The following STAG2 variants were observed in gnomAD, a reference collection of about 807,000 sequenced individuals.
STAG2 encodes the protein cohesin subunit SA-2.
In STAG2, 14 loss-of-function variants were observed where a neutral mutation model predicts 108.1. The observed-to-expected ratio is 0.13, with a 90% CI of 0.09 to 0.20. The LOEUF (loss-of-function observed/expected upper bound fraction) is 0.20, where lower values mean the gene tolerates loss of function less well. STAG2 is among the 10% of genes least tolerant of loss of function. The probability of loss-of-function intolerance (pLI) is 1.00; values close to 1 mark genes in which losing one functional copy is unlikely to be tolerated. For synonymous variants in STAG2, 307 were observed against 302.7 expected, an observed-to-expected ratio of 1.01 and a Z score of -0.15; for missense variants, 440 against 940.9, an observed-to-expected ratio of 0.47 and a Z score of 6.96.
At chrX:124,054,060 A>G (rs1448892403) in intron 13 of STAG2, among the ~76,000 whole-genome samples, 3 of 112,229 alleles carry the variant, frequency 2.7e-5, no homozygotes, top group South Asian at 3.6e-4. Flanking sequence ...TGTTGAGGCT[A>G]TGACGTAACA....
chrX:124,048,672 C>T (rs1215898304), intron 9 of STAG2, among the ~76,000 whole-genome samples: 2 of 111,397 alleles, frequency 1.8e-5, no homozygotes, highest in African/African-American at 3.3e-5. Context: ...TCAAGTGATC[C>T]GTCTGTCTTG....
At chrX:124,025,277 A>T (rs939453996) in intron 3 of STAG2, among the ~76,000 whole-genome samples, 1 of 112,092 alleles carries the variant, frequency 8.9e-6, no homozygotes, top group Non-Finnish European at 1.9e-5. Context: ...GATATTGATC[A>T]CTTAGCATAA....
In STAG2 at chrX:124,025,861, T is replaced by G; in HGVS notation, c.66T>G (p.Ser22=). 8.4e-7 allele frequency: 1 copy of G among 1,187,442 alleles called. No individual in the cohort carries two copies. The highest frequency in any genetic ancestry group is 1.1e-6 in the Non-Finnish European group (1 of 882,234). The change falls in exon 4 of 35, where the codon TCT becomes TCG. Residue 22 remains serine, a synonymous_variant. Coordinates refer to ENST00000371145, the MANE Select transcript of STAG2 (RefSeq NM_001042750.2). ...ACAGGGAGTCAGAAACACATTTTTC[T>G]TCTGACACAGATTTTGAAGATATCG... ...NLLQESETHF[S]SDTDFEDIEG... is the part of the protein sequence containing the mutation.
chrX:124,005,062 T>C (rs2056222130), intron 1 of STAG2, among the ~76,000 whole-genome samples: 1 of 112,492 alleles, frequency 8.9e-6, no homozygotes, highest in African/African-American at 3.2e-5. Context: ...TCTTCCTGTA[T>C]ACTTTAAATC....
chrX:123,961,690 C>T (rs2053866593), upstream of STAG2: 1 of 101,635 alleles, frequency 9.8e-6, no homozygotes, highest in African/African-American at 3.6e-5. Flanking sequence ...CCCTTCCCTC[C>T]CTCCCCCCTC....
At chrX:124,092,702 A>G (rs1438507828) in intron 32 of STAG2, among the ~76,000 whole-genome samples, 1 of 112,296 alleles carries the variant, frequency 8.9e-6, no homozygotes, top group African/African-American at 3.2e-5. Context: ...TATCTGCCCT[A>G]TAACTAAAAA....
At chrX:124,068,102 T>C (rs752416324) in intron 23 of STAG2, among the ~76,000 whole-genome samples, 5 of 111,191 alleles carry the variant, frequency 4.5e-5, no homozygotes, top group Non-Finnish European at 9.4e-5. Flanking sequence ...TACCACAAAA[T>C]ATTTTCCATT....
At chrX:123,965,640 G>A (rs910631294) in intron 1 of STAG2, among the ~76,000 whole-genome samples, 2 of 111,604 alleles carry the variant, frequency 1.8e-5, no homozygotes, top group African/African-American at 3.3e-5. Context: ...TTTCTGCTTC[G>A]GGTTCTTTAT....
chrX:124,093,524 C>T (rs905867576), intron 32 of STAG2, among the ~76,000 whole-genome samples: 5 of 103,251 alleles, frequency 4.8e-5, no homozygotes, highest in South Asian at 4.4e-4. Flanking sequence ...AAGCCTGTCA[C>T]GTAGTAGGCA....
Position 124,100,893 on chromosome X carries a change from A to C in STAG2, c.*296A>C, listed in dbSNP as rs900821794. On this transcript the variant is annotated 3_prime_UTR_variant, in exon 35 of 35. Coordinates refer to ENST00000371145, the MANE Select transcript of STAG2 (RefSeq NM_001042750.2). The stretch of plus-strand genomic sequence containing the variant: ...TTTCATGCTTTTTTTTAAAAAAAAA[A>C]AAAAACAAAATAACAATCTGAAGAG... 1.4e-5 allele frequency: 3 copies of C among 219,829 alleles called. No individual in the cohort carries two copies. Among genetic ancestry groups the C allele is most frequent in the African/African-American group, 2.9e-5 (1 of 33,998 alleles). 18.1% of individuals were successfully genotyped at this position (219,829 alleles called of 1,213,427 possible).
intron 5 of STAG2, 60 bp downstream of exon 5, chrX:124,031,185 TAG>T (rs2057320539): frequency 3.7e-6 from 4 of 1,090,777 alleles, no homozygotes; most frequent in African/African-American, 1.8e-5. Flanking sequence ...ATGAGTTATA[TAG>T]AGTGTAGCTC....
At chrX:124,026,673 T>G (rs771079150) in intron 4 of STAG2, 4 of 191,406 alleles carry the variant, frequency 2.1e-5, no homozygotes, top group Admixed American at 6.3e-5. Context: ...TTTTCCATAA[T>G]CCTATCACCT....
Position 124,063,930 on chromosome X carries a change from C to T in STAG2, c.1904C>T (p.Thr635Ile). ...DTDVLEACSK[T>I]YHALCNEEFT... ...GATGTTTTGGAAGCATGTTCTAAAA[C>T]TTACCATGCACTCTGTAATGAAGAG... Residue 635 changes from threonine to isoleucine, a missense_variant, in exon 20 of 35, where the codon ACT (threonine) becomes ATT (isoleucine). By Grantham distance (89) the Thr-to-Ile change is moderately conservative (BLOSUM62 -1). Around this residue, in one of 3 missense-constraint regions of STAG2, gnomAD observed 337 missense variants for 649.3 expected, o/e 0.52. Transcript: ENST00000371145. 7 of 1,208,519 alleles carry T rather than the reference C, an allele frequency of 5.8e-6. No individual in the cohort carries two copies. The highest frequency in any genetic ancestry group is 7.8e-6 in the Non-Finnish European group (7 of 892,552).
chrX:124,022,533 A>G lies in STAG2; in HGVS notation c.-95A>G. 1.5e-6 allele frequency: 1 copy of G among 665,924 alleles called. No homozygotes were observed. The highest frequency in any genetic ancestry group is 2.3e-6 in the Non-Finnish European group (1 of 438,413). 54.9% of individuals were successfully genotyped at this position (665,924 alleles called of 1,213,427 possible). On this transcript the variant is annotated splice_region_variant and 5_prime_UTR_variant, in exon 3 of 35. Coordinates refer to ENST00000371145, the MANE Select transcript of STAG2 (RefSeq NM_001042750.2). ...ATGTCATTTTCTCCTTTTTAAAGGA[A>G]TTGTCTTAGAAGAAAGAAGGCAAGC...
chrX:124,028,794 TTATATATATATA>T (rs56052834), intron 4 of STAG2, among the ~76,000 whole-genome samples: 2 of 75,090 alleles, frequency 2.7e-5, no homozygotes, highest in Non-Finnish European at 4.7e-5. Context: ...TAAGAATAGT[TTATATATATATA>T]TATATATATA....
At chrX:124,015,151 C>T (rs1258919342) in intron 1 of STAG2, among the ~76,000 whole-genome samples, 1 of 105,870 alleles carries the variant, frequency 9.4e-6, no homozygotes, top group African/African-American at 3.5e-5. Flanking sequence ...CCAAGTCCGG[C>T]TAATTTTTTG....
intron 11 of STAG2, among the ~76,000 whole-genome samples, 170 bp downstream of exon 11, chrX:124,050,479 T>G (rs2148219688): frequency 9.0e-6 from 1 of 111,653 alleles, no homozygotes; most frequent in South Asian, 3.8e-4. Context: ...ACATAAAGTC[T>G]GCTAGATATT....
intron 1 of STAG2, among the ~76,000 whole-genome samples, chrX:124,014,780 GT>G (rs1438000421): frequency 9.1e-6 from 1 of 110,241 alleles, no homozygotes; most frequent in Middle Eastern, 4.2e-3. Flanking sequence ...GCCTTCTCTG[GT>G]TTACCTATTC....
At chrX:124,050,413 C>A in intron 11 of STAG2, 104 bp downstream of exon 11, 1 of 844,608 alleles carries the variant, frequency 1.2e-6, no homozygotes, top group Non-Finnish European at 1.6e-6. Flanking sequence ...TGACACATTT[C>A]TGGAAGCCTC....
Sources: allele counts gnomAD v4.1 joint callset (sites outside exome capture counted in the v4.1 genomes callset), GRCh38; gene constraint gnomAD v4.1.1; regional missense constraint gnomAD v4.1.1; transcripts MANE v1.5; gene names NCBI Gene and HGNC (gene_info 2026-07-23, HGNC 2026-07-21).